LAMA5: variants seen among roughly 807,000 people sequenced by gnomAD.
LAMA5 encodes laminin subunit alpha 5.
LAMA5 carries 260 observed loss-of-function variants against 433.4 expected under a neutral mutation model. The ratio of observed to expected loss-of-function variants is 0.60; its 90% CI spans 0.54 to 0.66. The LOEUF is 0.66. Ranked by LOEUF, LAMA5 falls within the 30% of genes least tolerant of loss-of-function variation. The pLI, the probability that LAMA5 is intolerant of heterozygous loss-of-function variation, is 0.00. For synonymous variants in LAMA5, 2,620 were observed against 2,226.6 expected (o/e 1.18, Z -4.97); for missense variants, 5,378 against 5,258.5 (o/e 1.02, Z -0.70).
In LAMA5 at chr20:62,315,021, G is replaced by C; in HGVS notation, c.8047+7C>G. 1.3e-6 allele frequency: 2 copies of C among 1,586,832 alleles called. No homozygotes were observed. Among genetic ancestry groups the C allele is most frequent in the Non-Finnish European group, 1.7e-6 (2 of 1,172,178 alleles). The stretch of plus-strand genomic sequence containing the variant: ...CATCAGGGGCACCGCGAGGGCCATG[G>C]GCGCACCTGAGTGGCCTGCGTCAAG... On this transcript the variant is annotated splice_region_variant and intron_variant, in intron 59 of 79. Transcript: ENST00000252999.
chr20:62,316,205 C>T, intron 57 of LAMA5, 147 bp from the exon 58 acceptor site: 1 of 635,576 alleles, frequency 1.6e-6, no homozygotes, highest in Admixed American at 2.6e-5. Context: ...GTCCCTTAGC[C>T]TGTGGGGAGG....
At position 62,318,628 on chromosome 20, in the gene LAMA5, C is replaced by T. The variant is rs201126879; in HGVS notation, c.7065G>A (p.Gln2355=). Residue 2355 remains glutamine (Q), a synonymous_variant, in exon 53 of 80, where the codon CAG becomes CAA. Transcript: ENST00000252999. ...AQRLLARVQE[Q]LSSLWEENQA... is the part of the protein sequence containing the mutation. Reference sequence around the variant, plus strand: ...GGTTCTCCTCCCAGAGGCTGCTCAGCTGCTCCTGCACCCGGGCCAGCACTA... The same window carrying T: ...GGTTCTCCTCCCAGAGGCTGCTCAGTTGCTCCTGCACCCGGGCCAGCACTA... 2.7e-5 allele frequency: 44 copies of T among 1,610,496 alleles called. 1 individual carries two copies. The highest frequency in any genetic ancestry group is 1.5e-4 in the Admixed American group (9 of 59,888).
intron 2 of LAMA5, among the ~76,000 whole-genome samples, chr20:62,361,829 C>T (rs933562978): frequency 1.3e-5 from 2 of 152,248 alleles, no homozygotes; most frequent in Non-Finnish European, 2.9e-5. Context: ...TTGGGGGTTT[C>T]ACTCTTCGCT....
chr20:62,335,777 T>C (rs1981489801), intron 18 of LAMA5, among the ~76,000 whole-genome samples: 1 of 109,798 alleles, frequency 9.1e-6, no homozygotes, highest in Non-Finnish European at 1.8e-5. Flanking sequence ...GGCACACTCA[T>C]GGACTCCAGT....
rs1447224358 is a variant in LAMA5, at chr20:62,319,836, G to A, written c.6760-41C>T. On this transcript the variant is annotated intron_variant, in intron 50 of 79. Transcript: ENST00000252999. ...CCACTAGCCCACGCTGCTGGTAGGC[G>A]AGGGTCGGGGTGGCAAGGGAGGGCC... is the stretch of plus-strand genomic sequence containing the variant. 1.1e-5 allele frequency: 17 copies of A among 1,480,494 alleles called. No individual in the cohort carries two copies. In the South Asian group the frequency reaches 1.2e-4, roughly 11 times the overall value. 91.7% of individuals were successfully genotyped at this position (1,480,494 alleles called of 1,614,324 possible).
intron 17 of LAMA5, 80 bp from the exon 18 acceptor site, chr20:62,336,525 A>C: frequency 7.5e-7 from 1 of 1,334,182 alleles, no homozygotes; most frequent in African/African-American, 1.5e-5. Flanking sequence ...GAGCCCTGAC[A>C]AGGGGTGGTG....
rs1423367173 is a variant in LAMA5, at chr20:62,322,329, C to A, written c.6286G>T (p.Gly2096Ter). 6.3e-7 allele frequency: 1 copy of A among 1,599,498 alleles called. No homozygotes were observed. Among genetic ancestry groups the A allele is most frequent in the East Asian group, 2.3e-5 (1 of 44,222 alleles). The change falls in exon 47 of 80, where the codon GGA becomes TGA. Residue 2096 changes from glycine (G) to a stop codon, truncating the protein, a stop_gained. Coordinates refer to ENST00000252999, the MANE Select transcript of LAMA5 (RefSeq NM_005560.6). LOFTEE classifies it high-confidence loss of function. ...GGGGCACACTCGCGGCACTGGGGTCCCATGGTCCCTGGTCGGCAGTGGCAC... is the reference window on the plus strand; with the variant it reads ...GGGGCACACTCGCGGCACTGGGGTCACATGGTCCCTGGTCGGCAGTGGCAC... ...GQCHCRPGTM[G>*]PQCRECAPGY...
In LAMA5 at chr20:62,318,474, C is replaced by T. The variant is rs1454509500; in HGVS notation, c.7219G>A (p.Glu2407Lys). The T allele has an allele frequency of 6.2e-7, 1 of 1,602,076 alleles. No individual in the cohort carries two copies. The highest frequency in any genetic ancestry group is 8.5e-7 in the Non-Finnish European group (1 of 1,176,428). ...EAQELNSRNQ[E>K]RLEEALQRKQ... ...CTCACCAGGGCTTCCTCCAGGCGCT[C>T]CTGGTTGCGGCTGTTGAGCTCCTGG... Residue 2407 changes from glutamate to lysine, a missense_variant, in exon 53 of 80, where the codon GAG becomes AAG. Physicochemically the swap from Glu to Lys is moderately conservative, Grantham distance 56. Coordinates refer to ENST00000252999, the MANE Select transcript of LAMA5 (RefSeq NM_005560.6).
chr20:62,322,192 C>T (rs1047647456), intron 47 of LAMA5, 24 bp from the exon 48 acceptor site: 1 of 1,577,406 alleles, frequency 6.3e-7, no homozygotes, highest in African/African-American at 1.3e-5. Flanking sequence ...CTTGGGTGAG[C>T]ATGGCTGGCC....
chr20:62,366,674 C>T (rs1030355700), intron 1 of LAMA5, among the ~76,000 whole-genome samples: 5 of 152,232 alleles, frequency 3.3e-5, no homozygotes, highest in African/African-American at 4.8e-5. Context: ...GCCCGGCCCC[C>T]CTCCCGCCCC....
intron 30 of LAMA5, 23 bp from the exon 31 acceptor site, chr20:62,330,637 G>T: frequency 6.3e-7 from 1 of 1,580,874 alleles, no homozygotes; most frequent in East Asian, 2.3e-5. Flanking sequence ...GCCCTAGTGA[G>T]CAGGCTGAGC....
chr20:62,343,644 C>T (rs368204846), intron 11 of LAMA5, among the ~76,000 whole-genome samples: 8 of 150,462 alleles, frequency 5.3e-5, no homozygotes, highest in Admixed American at 1.3e-4. Flanking sequence ...GGCATGGTGG[C>T]GCATGCCTGT....
intron 70 of LAMA5, 49 bp downstream of exon 70, chr20:62,311,871 C>T (rs747146011): frequency 6.5e-6 from 10 of 1,529,990 alleles, no homozygotes; most frequent in Admixed American, 1.8e-5. Context: ...CAAGTGCAGG[C>T]GGGCGTCCCT....
chr20:62,309,094 G>A lies in LAMA5; in HGVS notation c.*242C>T, dbSNP rs6143019. The A allele has an allele frequency of 3.3e-6, 2 of 600,212 alleles. No homozygotes were observed. Among genetic ancestry groups the A allele is most frequent in the Non-Finnish European group, 5.6e-6 (2 of 356,716 alleles). The allele number at this position is 600,212 out of a possible 1,614,324, so 37.2% of individuals were successfully genotyped here. A position where few individuals can be genotyped will look rare whatever the true frequency, so the allele number is the denominator to read the frequency against. Reference sequence around the variant, plus strand: ...ACAGAAGTTACTTTTTAATTTTTAAGGAGGAACCAGTGATGATTGGTGACA... The same window carrying A: ...ACAGAAGTTACTTTTTAATTTTTAAAGAGGAACCAGTGATGATTGGTGACA... On this transcript the variant is annotated 3_prime_UTR_variant, in exon 80 of 80. Coordinates refer to ENST00000252999, the MANE Select transcript of LAMA5 (RefSeq NM_005560.6).
chr20:62,364,167 C>A (rs1156786066), intron 1 of LAMA5, among the ~76,000 whole-genome samples: 1 of 152,220 alleles, frequency 6.6e-6, no homozygotes, highest in East Asian at 1.9e-4. Flanking sequence ...ACGACCCCTA[C>A]CCGCAGGCCG....
At chr20:62,345,541 G>A (rs755076043) in intron 11 of LAMA5, 21 of 577,760 alleles carry the variant, frequency 3.6e-5, no homozygotes, top group Admixed American at 1.7e-4. Context: ...GGAGTAGCTC[G>A]AACTACAGGC....
chr20:62,346,301 G>C, intron 9 of LAMA5, 86 bp from the exon 10 acceptor site: 1 of 1,502,472 alleles, frequency 6.7e-7, no homozygotes, highest in Non-Finnish European at 9.0e-7. Flanking sequence ...TACCTCCCCA[G>C]CCAGGGCCAT....
chr20:62,328,916 A>G lies in LAMA5; in HGVS notation c.4375T>C (p.Cys1459Arg). The G allele has an allele frequency of 6.2e-7, 1 of 1,611,704 alleles. No individual in the cohort carries two copies. Among genetic ancestry groups the G allele is most frequent in the Non-Finnish European group, 8.5e-7 (1 of 1,179,236 alleles). ...TCEPFGGQCP[C>R]HAHVIGRDCS... ...TCACGGCCAATGACATGGGCATGGC[A>G]GGGACACTGGCCCCCGAAGGGCTCA... The change falls in exon 34 of 80, where the codon TGC becomes CGC. Residue 1459 changes from cysteine (C) to arginine (R), a missense_variant. Cys to Arg is a radical substitution (Grantham distance 180). Coordinates refer to ENST00000252999, the MANE Select transcript of LAMA5 (RefSeq NM_005560.6).
At chr20:62,317,258 G>C (rs532128386) in intron 55 of LAMA5, 87 bp downstream of exon 55, 26 of 1,386,256 alleles carry the variant, frequency 1.9e-5, no homozygotes, top group Non-Finnish European at 2.4e-5. Flanking sequence ...TCAGCCCCTA[G>C]GAGCCTTCCC....
Sources: gnomAD v4.1 joint callset for allele counts (sites outside exome capture counted in the v4.1 genomes callset) on GRCh38, gnomAD v4.1.1 for gene constraint, MANE v1.5 for transcripts, NCBI Gene and HGNC (gene_info 2026-07-23, HGNC 2026-07-21) for gene names.